TGFBR2: variants seen among roughly 807,000 people sequenced by gnomAD.
The protein encoded by TGFBR2 is transforming growth factor beta receptor 2, also known as TGF-beta receptor type-2.
Under a neutral mutation model 49.0 loss-of-function variants are expected in TGFBR2, and 18 were observed. The ratio of observed to expected loss-of-function variants is 0.37; its 90% confidence interval spans 0.25 to 0.54. The LOEUF is 0.54. Among genes scored for constraint, TGFBR2 ranks in the 20% least tolerant of loss-of-function variants. The pLI is 0.85. For missense variants in TGFBR2, 525 were observed against 722.6 expected (o/e 0.73, Z 3.13); for synonymous variants, 282 against 275.9 (o/e 1.02, Z -0.22).
chr3:30,665,172 G>A (rs1699221542), intron 3 of TGFBR2, among the ~76,000 whole-genome samples: 1 of 152,178 alleles, frequency 6.6e-6, no homozygotes, highest in Non-Finnish European at 1.5e-5. Context: ...ATATGCAACT[G>A]GCTGAGATCC....
chr3:30,690,723 G>A (rs1699694989), intron 6 of TGFBR2, among the ~76,000 whole-genome samples: 1 of 152,190 alleles, frequency 6.6e-6, no homozygotes, highest in Non-Finnish European at 1.5e-5. Context: ...CAGAAATTTA[G>A]GGGAATGGAG....
At chr3:30,690,811 A>G (rs1050179209) in intron 6 of TGFBR2, among the ~76,000 whole-genome samples, 1 of 152,208 alleles carries the variant, frequency 6.6e-6, no homozygotes, top group South Asian at 2.1e-4. Flanking sequence ...TGGTAGATAC[A>G]TGTCATTATA....
chr3:30,660,976 A>G (rs1699112968), intron 3 of TGFBR2, among the ~76,000 whole-genome samples: 1 of 152,178 alleles, frequency 6.6e-6, no homozygotes, highest in Admixed American at 6.5e-5. Context: ...AGGGAGAGAG[A>G]GAGGATGTAT....
chr3:30,636,803 G>A (rs768514916), intron 1 of TGFBR2, among the ~76,000 whole-genome samples: 127 of 151,830 alleles, frequency 8.4e-4, no homozygotes, highest in Non-Finnish European at 1.3e-3. Flanking sequence ...GGTGGCTCAA[G>A]CCTGTAATCC....
Position 30,606,629 on chromosome 3 carries a change from C to T in TGFBR2, c.-255C>T, listed in dbSNP as rs992527383. ...CGCGCGCACGGAGCGACGACACCCCCGCGCGTGCACCCGCTCGGGACAGGA... is the reference window on the plus strand; with the variant it reads ...CGCGCGCACGGAGCGACGACACCCCTGCGCGTGCACCCGCTCGGGACAGGA... On this transcript the variant is annotated 5_prime_UTR_variant, in exon 1 of 7. Coordinates refer to ENST00000295754, the MANE Select transcript of TGFBR2 (RefSeq NM_003242.6). 6 of 362,972 alleles carry T rather than the reference C, an allele frequency of 1.7e-5. No homozygotes were observed. The highest frequency in any genetic ancestry group is 1.3e-4 in the African/African-American group (6 of 47,892). 22.5% of individuals were successfully genotyped at this position (362,972 alleles called of 1,614,324 possible).
chr3:30,667,504 T>C (rs1458500737), intron 3 of TGFBR2, among the ~76,000 whole-genome samples: 2 of 152,192 alleles, frequency 1.3e-5, no homozygotes, highest in Non-Finnish European at 2.9e-5. Context: ...TTCCTCCCCC[T>C]CAAATTTTTT....
chr3:30,637,307 A>G (rs1361588570), intron 1 of TGFBR2, among the ~76,000 whole-genome samples: 1 of 152,184 alleles, frequency 6.6e-6, no homozygotes, highest in Non-Finnish European at 1.5e-5. Context: ...CCAAAGTGGC[A>G]AGGAGAGGGA....
At position 30,643,562 on chromosome 3, in the gene TGFBR2, C is replaced by T. The variant is rs138723384; in HGVS notation, c.95-1185C>T. On this transcript the variant is annotated intron_variant, in intron 1 of 6. Coordinates refer to ENST00000295754, the MANE Select transcript of TGFBR2 (RefSeq NM_003242.6). ...TGAATATCACATTTATAATCACATT[C>T]CTCTCTAATCTGAGTGAAGAAGTTC... Among the ~76,000 whole-genome samples the T allele has an allele frequency of 2.1e-4, 32 of 152,288 alleles. 1 individual carries two copies. The East Asian group carries it at 3.5e-3, about 17-fold the overall frequency.
intron 5 of TGFBR2, among the ~76,000 whole-genome samples, chr3:30,682,932 C>T (rs1391853745): frequency 1.3e-5 from 2 of 152,224 alleles, no homozygotes; most frequent in Non-Finnish European, 2.9e-5. Context: ...CCCAGCTGTA[C>T]TTGCTCTGGT....
chr3:30,662,205 T>A (rs988170582), intron 3 of TGFBR2, among the ~76,000 whole-genome samples: 5 of 152,228 alleles, frequency 3.3e-5, no homozygotes, highest in Admixed American at 6.5e-5. Context: ...TATTTAGACT[T>A]TATCCCAATA....
chr3:30,671,838 A>G lies in TGFBR2; in HGVS notation c.655A>G (p.Ile219Val). 6.2e-7 allele frequency: 1 copy of G among 1,614,234 alleles called. No individual in the cohort carries two copies. The highest frequency in any genetic ancestry group is 8.5e-7 in the Non-Finnish European group (1 of 1,180,036). Residue 219 changes from isoleucine (I) to valine (V), a missense_variant, in exon 4 of 7, where the codon ATC becomes GTC. Coordinates refer to ENST00000295754, the MANE Select transcript of TGFBR2 (RefSeq NM_003242.6). ...GGAGTTCAGCGAGCACTGTGCCATC[A>G]TCCTGGAAGATGACCGCTCTGACAT... ...LMEFSEHCAI[I>V]LEDDRSDISS...
chr3:30,643,946 G>A (rs73823653), intron 1 of TGFBR2, among the ~76,000 whole-genome samples: 5,663 of 152,302 alleles, frequency 0.037, 120 homozygotes, highest in Non-Finnish European at 0.045. Context: ...CTTCCCAGAA[G>A]GGGGCAGGAG....
chr3:30,629,656 A>G (rs1446816193), intron 1 of TGFBR2, among the ~76,000 whole-genome samples: 2 of 152,222 alleles, frequency 1.3e-5, no homozygotes, highest in African/African-American at 4.8e-5. Context: ...AGGGATAGGA[A>G]AGCCATCACC....
intron 3 of TGFBR2, among the ~76,000 whole-genome samples, chr3:30,653,012 A>G (rs1232257753): frequency 6.6e-6 from 1 of 152,164 alleles, no homozygotes; most frequent in Non-Finnish European, 1.5e-5. Flanking sequence ...ATAAGCATAA[A>G]GACAATTTCT....
chr3:30,671,402 CA>C lies in TGFBR2; in HGVS notation c.455-235del, dbSNP rs1369847874. The stretch of plus-strand genomic sequence containing the variant: ...CAAGTTTTTCTAGGCCTCTCTTAAG[CA>C]GTGACATTTAAGCTGAAGTTTGAAG... On this transcript the variant is annotated intron_variant, in intron 3 of 6. Transcript: ENST00000295754. Among the ~76,000 whole-genome samples the C allele has an allele frequency of 2.6e-5, 4 of 152,136 alleles. No homozygotes were observed. In the East Asian group the frequency reaches 7.7e-4, roughly 29 times the overall value.
intron 3 of TGFBR2, among the ~76,000 whole-genome samples, chr3:30,669,288 C>T (rs544413353): frequency 5.9e-5 from 9 of 151,786 alleles, no homozygotes; most frequent in African/African-American, 2.2e-4. Flanking sequence ...AAGAAAGTAT[C>T]AGATGCTGAA....
chr3:30,686,584 C>G (rs1301365094), intron 5 of TGFBR2, among the ~76,000 whole-genome samples: 2 of 152,190 alleles, frequency 1.3e-5, no homozygotes, highest in Non-Finnish European at 2.9e-5. Context: ...CAAAAACAAG[C>G]CGTCCCTTTT....
intron 1 of TGFBR2, among the ~76,000 whole-genome samples, chr3:30,622,711 C>G (rs1364296152): frequency 6.6e-6 from 1 of 151,560 alleles, no homozygotes; most frequent in Non-Finnish European, 1.5e-5. Flanking sequence ...GAAACCCTGT[C>G]TTTACTAAAA....
chr3:30,615,646 G>T (rs1002785158), intron 1 of TGFBR2, among the ~76,000 whole-genome samples: 1 of 152,074 alleles, frequency 6.6e-6, no homozygotes, highest in East Asian at 1.9e-4. Flanking sequence ...TATTTCAGAG[G>T]TATGGCAATC....
Sources: allele counts gnomAD v4.1 joint callset (sites outside exome capture counted in the v4.1 genomes callset), GRCh38; gene constraint gnomAD v4.1.1; transcripts MANE v1.5; gene names NCBI Gene and HGNC (gene_info 2026-07-23, HGNC 2026-07-21).